Variants in MIP observed in about 807,000 individuals in gnomAD.
MIP encodes major intrinsic protein of lens fiber, also known as lens fiber major intrinsic protein.
MIP carries 14 observed loss-of-function variants against 21.8 expected under a neutral mutation model. The ratio of observed to expected loss-of-function variants is 0.64; its 90% confidence interval spans 0.42 to 1.00. The LOEUF (loss-of-function observed/expected upper bound fraction) is 1.00, where lower values mean the gene tolerates loss of function less well. MIP is among the 50% of genes least tolerant of loss of function. MIP has a pLI of 0.00. For synonymous variants in MIP, 133 were observed against 141.4 expected (o/e 0.94, Z 0.42); for missense variants, 260 against 333.5 (o/e 0.78, Z 1.72).
rs539442991 is a variant in MIP at position 56,451,141 on chromosome 12, A to C, written c.*139T>G. 18 of 716,062 alleles carry C rather than the reference A, an allele frequency of 2.5e-5. 1 individual carries two copies. The South Asian group carries it at 2.7e-4, about 11-fold the overall frequency. 44.4% of individuals were successfully genotyped at this position (716,062 alleles called of 1,614,324 possible). A position where few individuals can be genotyped will look rare whatever the true frequency, so the allele number is the denominator to read the frequency against. On this transcript the variant is annotated 3_prime_UTR_variant, in exon 4 of 4. Transcript: ENST00000652304. Reference sequence around the variant, plus strand: ...TTCACACAGCAAAAGGAAAAAAAAAAAAAAAACAACCACATACATAAGTTA... The same window carrying C: ...TTCACACAGCAAAAGGAAAAAAAAACAAAAAACAACCACATACATAAGTTA...
chr12:56,454,166 G>A, intron 1 of MIP, 88 bp downstream of exon 1: 1 of 1,562,770 alleles, frequency 6.4e-7, no homozygotes, highest in Non-Finnish European at 8.8e-7. Context: ...AGACCCCAGG[G>A]GAGCTGATTC....
In MIP at chr12:56,454,255, G is replaced by A. The variant is rs375320892; in HGVS notation, c.359C>T (p.Thr120Met). 33 of 1,613,938 alleles carry A rather than the reference G, an allele frequency of 2.0e-5. No homozygotes were observed. The highest frequency in any genetic ancestry group is 8.9e-5 in the East Asian group (4 of 44,892). The change falls in exon 1 of 4, where the codon ACG (threonine) becomes ATG (methionine). Residue 120 changes from threonine (T) to methionine (M), a missense_variant and splice_region_variant. Thr to Met is a moderately conservative substitution (Grantham distance 81). Transcript: ENST00000652304. ...CATCCCCTCTCAGCCAACCATTACC[G>A]TGTTGAGTGCTAGGTTTCCTCGGAC... ...PAVRGNLALN[T>M]LHPAVSVGQA...
chr12:56,453,741 C>A lies in MIP; in HGVS notation c.375G>T (p.Val125=). Residue 125 remains valine (V), a synonymous_variant, in exon 2 of 4, where the codon GTG becomes GTT. Transcript: ENST00000652304. ...NLALNTLHPA[V]SVGQATTVEI... ...CCACTGTGGTTGCCTGGCCCACGCT[C>A]ACCGCAGGGTGCAACTGTGCAAAGG... is the stretch of plus-strand genomic sequence containing the variant. 6.2e-7 allele frequency: 1 copy of A among 1,613,800 alleles called. No individual in the cohort carries two copies. The highest frequency in any genetic ancestry group is 1.1e-5 in the South Asian group (1 of 91,020).
chr12:56,454,451 G>GT lies in MIP; in HGVS notation c.162dup (p.Leu55ThrfsTer52), dbSNP rs1315664821. ...CTGATGTGGCCCACAGACTGCACCAGTGTAGCCAGGGCCAAGCCAAATGCC... is the reference window on the plus strand; with the variant it reads ...CTGATGTGGCCCACAGACTGCACCAGTTGTAGCCAGGGCCAAGCCAAATGCC... On this transcript the variant is annotated frameshift_variant, in exon 1 of 4. Coordinates refer to ENST00000652304, the MANE Select transcript of MIP (RefSeq NM_012064.4). LOFTEE classifies it high-confidence loss of function. The GT allele has an allele frequency of 6.2e-7, 1 of 1,614,062 alleles. No homozygotes were observed. Among genetic ancestry groups the GT allele is most frequent in the African/African-American group, 1.3e-5 (1 of 75,052 alleles).
chr12:56,451,254 C>T lies in MIP; in HGVS notation c.*26G>A, dbSNP rs760339842. ...CCCTCCACGTAAACTCAGAAGCTTT[C>T]TACTCCCTCTATTCAGCTGGAGCTT... On this transcript the variant is annotated 3_prime_UTR_variant, in exon 4 of 4. Transcript: ENST00000652304. 6.2e-7 allele frequency: 1 copy of T among 1,610,644 alleles called. No homozygotes were observed. The highest frequency in any genetic ancestry group is 1.7e-5 in the Admixed American group (1 of 59,994).
In MIP at chr12:56,451,449, G is replaced by A; in HGVS notation, c.623C>T (p.Pro208Leu). ...FTNHWVYWVG[P>L]IIGGGLGSLL... ...GCTGCCCAGACCCCCTCCAATGATTGGGCCTACCCAGTACACCTGTAGAAA... is the reference window on the plus strand; with the variant it reads ...GCTGCCCAGACCCCCTCCAATGATTAGGCCTACCCAGTACACCTGTAGAAA... The change falls in exon 4 of 4, where the codon CCA becomes CTA. Residue 208 changes from proline (P) to leucine (L), a missense_variant. Pro to Leu is a moderately conservative substitution (Grantham distance 98). Transcript: ENST00000652304. 1 of 1,614,110 alleles carries A rather than the reference G, an allele frequency of 6.2e-7. No individual in the cohort carries two copies. Among genetic ancestry groups the A allele is most frequent in the Non-Finnish European group, 8.5e-7 (1 of 1,180,016 alleles).
upstream of MIP, among the ~76,000 whole-genome samples, chr12:56,454,871 C>T (rs905948938): frequency 2.1e-4 from 32 of 152,160 alleles, no homozygotes; most frequent in Admixed American, 1.4e-3. Flanking sequence ...GGGGTCACAG[C>T]AAGAGAGACT....
At position 56,454,496 on chromosome 12, in the gene MIP, G is replaced by T; in HGVS notation, c.118C>A (p.His40Asn). Residue 40 changes from histidine to asparagine, a missense_variant, in exon 1 of 4, where the codon CAT becomes AAT. Transcript: ENST00000652304. ...SSLRWAPGPL[H>N]VLQVAMAFGL... is the part of the protein sequence containing the mutation. Reference sequence around the variant, plus strand: ...AATGCCATAGCCACCTGCAGAACATGCAGGGGTCCAGGAGCCCAGCGCAGT... The same window carrying T: ...AATGCCATAGCCACCTGCAGAACATTCAGGGGTCCAGGAGCCCAGCGCAGT... 2 of 1,612,958 alleles carry T rather than the reference G, an allele frequency of 1.2e-6. No individual in the cohort carries two copies. Among genetic ancestry groups the T allele is most frequent in the Non-Finnish European group, 1.7e-6 (2 of 1,179,218 alleles).
chr12:56,456,168 C>T (rs1321315537), upstream of MIP, among the ~76,000 whole-genome samples: 2 of 152,184 alleles, frequency 1.3e-5, no homozygotes, highest in African/African-American at 2.4e-5. Context: ...GTGCATCTCA[C>T]CCAGTAATGC....
upstream of MIP, chr12:56,454,733 C>G: frequency 1.5e-6 from 2 of 1,302,424 alleles, no homozygotes; most frequent in Non-Finnish European, 1.1e-6. Context: ...GTAGCAGGCC[C>G]AGCCTCTTAA....
Position 56,454,545 on chromosome 12 carries a change from A to G in MIP, c.69T>C (p.Tyr23=), listed in dbSNP as rs1006340453. The part of the protein sequence containing the change: ...IFAEFFATLF[Y]VFFGLGSSLR... ...GTGAGGACCCCAGCCCAAAGAAGAC[A>G]TAGAAGAGGGTGGCAAAGAACTCAG... Residue 23 remains tyrosine, a synonymous_variant, in exon 1 of 4, where the codon TAT becomes TAC. Coordinates refer to ENST00000652304, the MANE Select transcript of MIP (RefSeq NM_012064.4). 3 of 1,613,778 alleles carry G rather than the reference A, an allele frequency of 1.9e-6. No individual in the cohort carries two copies. Among genetic ancestry groups the G allele is most frequent in the East Asian group, 2.2e-5 (1 of 44,898 alleles).
At chr12:56,454,140 A>G (rs1039680616) in intron 1 of MIP, 114 bp downstream of exon 1, 8 of 1,417,220 alleles carry the variant, frequency 5.6e-6, no homozygotes, top group Non-Finnish European at 7.9e-6. Context: ...ATGCTCACAC[A>G]TGCACATATT....
At position 56,454,413 on chromosome 12, in the gene MIP, G is replaced by A. The variant is rs1868729980; in HGVS notation, c.201C>T (p.Val67=). ...QSVGHISGAH[V]NPAVTFAFLV... The stretch of plus-strand genomic sequence containing the variant: ...GGAAAGCAAAAGTGACTGCAGGATT[G>A]ACGTGGGCTCCACTGATGTGGCCCA... The change falls in exon 1 of 4, where the codon GTC becomes GTT. Residue 67 remains valine, a synonymous_variant. Transcript: ENST00000652304. 6.2e-7 allele frequency: 1 copy of A among 1,614,194 alleles called. No individual in the cohort carries two copies. The highest frequency in any genetic ancestry group is 8.5e-7 in the Non-Finnish European group (1 of 1,180,020).
chr12:56,455,283 T>C (rs1225939863), upstream of MIP, among the ~76,000 whole-genome samples: 4 of 152,134 alleles, frequency 2.6e-5, no homozygotes, highest in Non-Finnish European at 5.9e-5. Context: ...CCCCAGTCCA[T>C]GACAGCACCT....
intron 2 of MIP, among the ~76,000 whole-genome samples, 155 bp downstream of exon 2, chr12:56,453,436 G>A (rs1036531552): frequency 6.6e-6 from 1 of 152,228 alleles, no homozygotes; most frequent in Non-Finnish European, 1.5e-5. Flanking sequence ...CACAAGAGAG[G>A]GATAGGGCAG....
chr12:56,454,664 G>A, upstream of MIP: 2 of 1,611,482 alleles, frequency 1.2e-6, no homozygotes, highest in Non-Finnish European at 8.5e-7. Context: ...CCATGGCCTT[G>A]TCTGGGTGGA....
chr12:56,452,400 C>G lies in MIP; in HGVS notation c.606+672G>C, dbSNP rs192049100. ...GGTAATATTCCATTTATGTATATAC[C>G]ACATTTTGTTTATCCATTCATCCAC... On this transcript the variant is annotated intron_variant, in intron 3 of 3. Transcript: ENST00000652304. Among the ~76,000 whole-genome samples the G allele has an allele frequency of 2.8e-4, 42 of 152,194 alleles. 2 individuals are homozygous for G. Among genetic ancestry groups the G allele is most frequent in the African/African-American group, 7.5e-4 (31 of 41,528 alleles).
At chr12:56,454,827 G>A (rs537675600), upstream of MIP, among the ~76,000 whole-genome samples, 1 of 152,282 alleles carries the variant, frequency 6.6e-6, no homozygotes, top group Admixed American at 6.5e-5. Context: ...ACTGGGAGAT[G>A]AGCCGAGAGA....
At position 56,451,574 on chromosome 12, in the gene MIP, T is replaced by A. The variant is rs7953824; in HGVS notation, c.607-109A>T. The A allele has an allele frequency of 3.0e-4, 256 of 840,462 alleles. No homozygotes were observed. In the African/African-American group the frequency reaches 4.0e-3, roughly 13 times the overall value. The allele number at this position is 840,462 out of a possible 1,614,324, so 52.1% of individuals were successfully genotyped here. On this transcript the variant is annotated intron_variant, in intron 3 of 3. Transcript: ENST00000652304. ...AACAAGATATTGTACACTTGATATC[T>A]ACAATAAACTCACCATTTATTTTCT... is the stretch of plus-strand genomic sequence containing the variant.
Sources: gnomAD v4.1 joint callset for allele counts (sites outside exome capture counted in the v4.1 genomes callset) on GRCh38, gnomAD v4.1.1 for gene constraint, MANE v1.5 for transcripts, NCBI Gene and HGNC (gene_info 2026-07-23, HGNC 2026-07-21) for gene names.